COMMD1: variants seen among roughly 807,000 people sequenced by gnomAD.
COMMD1 encodes the protein COMM domain-containing protein 1.
COMMD1 carries 10 observed loss-of-function variants against 17.2 expected under a neutral mutation model. The observed-to-expected ratio is 0.58, with a 90% confidence interval of 0.36 to 0.99. The LOEUF is 0.99. COMMD1 is among the 50% of genes least tolerant of loss of function. The pLI is 0.01. For synonymous variants in COMMD1, 97 were observed against 91.6 expected (o/e 1.06, Z -0.34); for missense variants, 270 against 231.8 (o/e 1.17, Z -1.07).
At chr2:62,039,307 G>T (rs1288339611) in intron 2 of COMMD1, among the ~76,000 whole-genome samples, 2 of 152,184 alleles carry the variant, frequency 1.3e-5, no homozygotes, top group African/African-American at 4.8e-5. Flanking sequence ...TGATTGCAAG[G>T]ATACACATAA....
chr2:61,948,495 A>C (rs1221212557), intron 1 of COMMD1, among the ~76,000 whole-genome samples: 1 of 152,230 alleles, frequency 6.6e-6, no homozygotes, highest in Non-Finnish European at 1.5e-5. Flanking sequence ...AAAATATCAC[A>C]TGTGCATAAT....
In COMMD1 at chr2:61,911,015, G is replaced by A. The variant is rs184551212; in HGVS notation, c.180+5157G>A. ...GGAGAATCACTTGAACCCGGGAGGCGGAGGTCGTGGTGAGCCGAGATCGCG... is the reference window on the plus strand; with the variant it reads ...GGAGAATCACTTGAACCCGGGAGGCAGAGGTCGTGGTGAGCCGAGATCGCG... On this transcript the variant is annotated intron_variant, in intron 1 of 2. Transcript: ENST00000311832. 2.4e-4 allele frequency among the ~76,000 whole-genome samples: 37 copies of A among 152,040 alleles called. 1 individual carries two copies. Among genetic ancestry groups the A allele is most frequent in the Admixed American group, 2.0e-3 (30 of 15,258 alleles).
At chr2:62,087,786 C>T (rs1671709804) in intron 2 of COMMD1, among the ~76,000 whole-genome samples, 1 of 152,158 alleles carries the variant, frequency 6.6e-6, no homozygotes, top group Non-Finnish European at 1.5e-5. Flanking sequence ...CATAAAAATG[C>T]CTTCTGATGC....
intron 1 of COMMD1, among the ~76,000 whole-genome samples, chr2:61,954,484 G>A (rs529123753): frequency 6.6e-6 from 1 of 152,184 alleles, no homozygotes; most frequent in African/African-American, 2.4e-5. Flanking sequence ...TTAACATTCT[G>A]TCTTATTGTG....
chr2:62,059,629 G>A (rs1246852931), intron 2 of COMMD1, among the ~76,000 whole-genome samples: 1 of 152,160 alleles, frequency 6.6e-6, no homozygotes, highest in Non-Finnish European at 1.5e-5. Context: ...ATTCACAGGT[G>A]TGATTATAAC....
At chr2:61,962,938 ATTAC>A in intron 1 of COMMD1, among the ~76,000 whole-genome samples, 1 of 152,212 alleles carries the variant, frequency 6.6e-6, no homozygotes, top group South Asian at 2.1e-4. Flanking sequence ...AGGCAGGTGG[ATTAC>A]TTGAGGTCAG....
intron 2 of COMMD1, among the ~76,000 whole-genome samples, chr2:62,094,910 A>G (rs1480863756): frequency 1.3e-5 from 2 of 152,172 alleles, no homozygotes; most frequent in Admixed American, 1.3e-4. Context: ...TGGCAATTTT[A>G]TATTTCTTTT....
chr2:61,923,710 G>C (rs1325672526), intron 1 of COMMD1, among the ~76,000 whole-genome samples: 1 of 152,168 alleles, frequency 6.6e-6, no homozygotes, highest in Admixed American at 6.6e-5. Flanking sequence ...CAGGGAGCCA[G>C]TGAAAAAGTT....
At chr2:61,951,317 A>G (rs976158645) in intron 1 of COMMD1, among the ~76,000 whole-genome samples, 8 of 152,120 alleles carry the variant, frequency 5.3e-5, no homozygotes, top group African/African-American at 1.9e-4. Context: ...TACAAAAATT[A>G]GGCATGGTGG....
Position 61,912,368 on chromosome 2 carries a change from T to G in COMMD1, c.180+6510T>G, listed in dbSNP as rs952873154. On this transcript the variant is annotated intron_variant, in intron 1 of 2. Coordinates refer to ENST00000311832, the MANE Select transcript of COMMD1 (RefSeq NM_152516.4). ...ACCATATGAGGAAAGCTAGGAAATGTAGTACTCTAAACCAGGGGTCAGCAA... is the reference window on the plus strand; with the variant it reads ...ACCATATGAGGAAAGCTAGGAAATGGAGTACTCTAAACCAGGGGTCAGCAA... Among the ~76,000 whole-genome samples the G allele has an allele frequency of 9.8e-5, 15 of 152,344 alleles. No homozygotes were observed. In the East Asian group the frequency reaches 2.9e-3, roughly 29 times the overall value.
chr2:62,083,622 T>A (rs1671585793), intron 2 of COMMD1, among the ~76,000 whole-genome samples: 1 of 152,234 alleles, frequency 6.6e-6, no homozygotes, highest in South Asian at 2.1e-4. Context: ...TCATTCAACT[T>A]TTTTTGTTCC....
At chr2:62,107,529 C>T (rs1011950649) in intron 2 of COMMD1, among the ~76,000 whole-genome samples, 7 of 152,218 alleles carry the variant, frequency 4.6e-5, no homozygotes, top group Non-Finnish European at 1.0e-4. Flanking sequence ...TGCCAGCTTT[C>T]AGGCAGATTG....
intron 2 of COMMD1, among the ~76,000 whole-genome samples, chr2:62,075,628 G>C (rs1468315638): frequency 6.6e-6 from 1 of 152,084 alleles, no homozygotes; most frequent in Non-Finnish European, 1.5e-5. Context: ...ATTTCCCAAG[G>C]CTTCATAATT....
intron 1 of COMMD1, among the ~76,000 whole-genome samples, chr2:61,998,456 C>T (rs1354439738): frequency 6.6e-6 from 1 of 152,060 alleles, no homozygotes; most frequent in Non-Finnish European, 1.5e-5. Flanking sequence ...GACAGGGTTT[C>T]ACCATGTTGT....
chr2:61,927,354 G>C (rs1670353146), intron 1 of COMMD1, among the ~76,000 whole-genome samples: 1 of 152,152 alleles, frequency 6.6e-6, no homozygotes, highest in Admixed American at 6.5e-5. Context: ...AGTTTTAGTA[G>C]TGGTGATGTG....
chr2:61,924,003 A>G (rs1342931823), intron 1 of COMMD1, among the ~76,000 whole-genome samples: 1 of 152,088 alleles, frequency 6.6e-6, no homozygotes, highest in African/African-American at 2.4e-5. Context: ...TCTTGAACTC[A>G]TGTGCTCAAG....
chr2:61,910,981 G>A (rs1669890616), intron 1 of COMMD1, among the ~76,000 whole-genome samples: 2 of 151,750 alleles, frequency 1.3e-5, no homozygotes, highest in Admixed American at 1.3e-4. Flanking sequence ...TACTCGAGAG[G>A]CTGGGGTGGG....
At chr2:61,910,911 C>G (rs2105177680) in intron 1 of COMMD1, among the ~76,000 whole-genome samples, 1 of 151,732 alleles carries the variant, frequency 6.6e-6, no homozygotes, top group African/African-American at 2.4e-5. Context: ...TGGAGAAACC[C>G]CGTCTCTACT....
At chr2:62,038,995 C>T (rs544998497) in intron 2 of COMMD1, among the ~76,000 whole-genome samples, 19 of 152,222 alleles carry the variant, frequency 1.2e-4, no homozygotes, top group Admixed American at 1.0e-3. Context: ...TTTTCTTTTA[C>T]AGTTTCTAAG....
Sources: allele counts gnomAD v4.1 joint callset (sites outside exome capture counted in the v4.1 genomes callset), GRCh38; gene constraint gnomAD v4.1.1; transcripts MANE v1.5; gene names NCBI Gene and HGNC (gene_info 2026-07-23, HGNC 2026-07-21).